Variants in RAD51AP2 observed in about 807,000 individuals in gnomAD.
RAD51AP2 encodes the protein RAD51 associated protein 2.
A neutral mutation model predicts 85.5 loss-of-function variants in RAD51AP2; 67 were observed. The observed-to-expected ratio is 0.78, with a 90% CI of 0.64 to 0.96. RAD51AP2 has a LOEUF of 0.96. Among genes scored for constraint, RAD51AP2 ranks in the 40% least tolerant of loss-of-function variants. The pLI, the probability that RAD51AP2 is intolerant of heterozygous loss-of-function variation, is 0.00. For missense variants in RAD51AP2, 1,307 were observed against 1,332.4 expected, an observed-to-expected ratio of 0.98 and a Z score of 0.30; for synonymous variants, 474 against 446.5, an observed-to-expected ratio of 1.06 and a Z score of -0.78.
chr2:17,535,935 CAAAAAAAAA>C, the RAD51AP2 span, among the ~76,000 whole-genome samples: 20 of 57,228 alleles, frequency 3.5e-4, no homozygotes, highest in African/African-American at 1.3e-3. Context: ...GTAAGAACAC[CAAAAAAAAA>C]AAAAAAAAAA....
At chr2:17,536,988 T>G in the RAD51AP2 span, among the ~76,000 whole-genome samples, 1 of 152,160 alleles carries the variant, frequency 6.6e-6, no homozygotes, top group East Asian at 1.9e-4. Context: ...TTATTTTATT[T>G]TGTTGGTCTA....
chr2:17,526,778 C>A, the RAD51AP2 span, among the ~76,000 whole-genome samples: 2 of 152,084 alleles, frequency 1.3e-5, no homozygotes, highest in East Asian at 3.8e-4. Context: ...GAAAGGCATA[C>A]AAGAAAAGGA....
chr2:17,527,270 G>T, the RAD51AP2 span, among the ~76,000 whole-genome samples: 1 of 152,134 alleles, frequency 6.6e-6, no homozygotes, highest in Admixed American at 6.6e-5. Flanking sequence ...AAGGAAGAAG[G>T]GAGGAACAAG....
At position 17,517,405 on chromosome 2, in the gene RAD51AP2, T is replaced by C. The variant is rs1365604099; in HGVS notation, c.1011A>G (p.Gln337=). Reference sequence around the variant, plus strand: ...TCAAGTCTTTTCTCTTACAAGTATTTTGGCTACTGAGTGATGGGTAGTCAT... The same window carrying C: ...TCAAGTCTTTTCTCTTACAAGTATTCTGGCTACTGAGTGATGGGTAGTCAT... ...YENDYPSLSS[Q]NTCKRKDLIS... is the part of the protein sequence containing the mutation. Residue 337 remains glutamine, a synonymous_variant, in exon 1 of 3, where the codon CAA becomes CAG. Coordinates refer to ENST00000399080, the MANE Select transcript of RAD51AP2 (RefSeq NM_001099218.3). 6.2e-7 allele frequency: 1 copy of C among 1,613,862 alleles called. No individual in the cohort carries two copies.
Position 17,518,432 on chromosome 2 carries a change from G to A in RAD51AP2, c.-17C>T. ...GAGAGACATGACAGCGAATGGAAAGGATCTGTCCGAGTCCCGGCGGGGCTC... is the reference window on the plus strand; with the variant it reads ...GAGAGACATGACAGCGAATGGAAAGAATCTGTCCGAGTCCCGGCGGGGCTC... On this transcript the variant is annotated 5_prime_UTR_variant, in exon 1 of 3. Coordinates refer to ENST00000399080, the MANE Select transcript of RAD51AP2 (RefSeq NM_001099218.3). The A allele has an allele frequency of 6.2e-7, 1 of 1,602,868 alleles. No homozygotes were observed. The highest frequency in any genetic ancestry group is 8.5e-7 in the Non-Finnish European group (1 of 1,175,964).
At chr2:17,513,973 C>G (rs373861545) in intron 2 of RAD51AP2, 39 bp downstream of exon 2, 784 of 1,041,802 alleles carry the variant, frequency 7.5e-4, no homozygotes, top group Non-Finnish European at 1.1e-3. Flanking sequence ...ATGCAATAAT[C>G]ATCTTAGAAG....
chr2:17,523,629 T>G, the RAD51AP2 span, among the ~76,000 whole-genome samples: 1 of 151,940 alleles, frequency 6.6e-6, no homozygotes, highest in Non-Finnish European at 1.5e-5. Context: ...CCAGGACATA[T>G]GCAAAAACCT....
At chr2:17,511,733 A>C (rs1410388484) in intron 2 of RAD51AP2, among the ~76,000 whole-genome samples, 1 of 152,208 alleles carries the variant, frequency 6.6e-6, no homozygotes, top group African/African-American at 2.4e-5. Flanking sequence ...AAAGGTTAGC[A>C]GTATGATTTT....
In RAD51AP2 at chr2:17,518,160, T is replaced by C. The variant is rs539431575; in HGVS notation, c.256A>G (p.Thr86Ala). 1 of 1,614,204 alleles carries C rather than the reference T, an allele frequency of 6.2e-7. No individual in the cohort carries two copies. The highest frequency in any genetic ancestry group is 1.3e-5 in the African/African-American group (1 of 75,042). Residue 86 changes from threonine to alanine, a missense_variant, in exon 1 of 3, where the codon ACA becomes GCA. By Grantham distance (58) the Thr-to-Ala change is moderately conservative. Around this residue, in one of 3 missense-constraint regions of RAD51AP2, gnomAD observed 635 missense variants for 643.6 expected, o/e 0.99. Coordinates refer to ENST00000399080, the MANE Select transcript of RAD51AP2 (RefSeq NM_001099218.3). ...VSTNAIFDNS[T>A]DSCVEKSVSG... Reference sequence around the variant, plus strand: ...ACTGATTTCTCCACACACGAGTCTGTGGAGTTATCGAAAATAGCATTCGTT... The same window carrying C: ...ACTGATTTCTCCACACACGAGTCTGCGGAGTTATCGAAAATAGCATTCGTT...
At chr2:17,519,772 C>T (rs578126734), upstream of RAD51AP2, among the ~76,000 whole-genome samples, 2 of 152,292 alleles carry the variant, frequency 1.3e-5, no homozygotes, top group African/African-American at 4.8e-5. Context: ...CCAAGTTCTA[C>T]TTCTGTGTAT....
upstream of RAD51AP2, among the ~76,000 whole-genome samples, chr2:17,522,478 GTTA>G (rs1662880100): frequency 6.6e-6 from 1 of 151,614 alleles, no homozygotes; most frequent in Non-Finnish European, 1.5e-5. Context: ...GCATTATTAT[GTTA>G]TTATATTTTC....
chr2:17,512,057 G>A (rs1471166226), intron 2 of RAD51AP2, among the ~76,000 whole-genome samples: 2 of 152,114 alleles, frequency 1.3e-5, no homozygotes, highest in Non-Finnish European at 2.9e-5. Flanking sequence ...TGGCTGGTTG[G>A]CATACAACAT....
the RAD51AP2 span, among the ~76,000 whole-genome samples, chr2:17,529,701 T>C: frequency 6.6e-6 from 1 of 152,170 alleles, no homozygotes; most frequent in South Asian, 2.1e-4. Context: ...CTACTAAAAA[T>C]TGAAATGAAG....
chr2:17,522,313 C>G (rs1209917392), upstream of RAD51AP2, among the ~76,000 whole-genome samples: 1 of 152,018 alleles, frequency 6.6e-6, no homozygotes. Context: ...AAGCCCTTCG[C>G]AGTTTCAGTC....
the RAD51AP2 span, among the ~76,000 whole-genome samples, chr2:17,528,313 T>C: frequency 6.6e-6 from 1 of 152,162 alleles, no homozygotes; most frequent in East Asian, 1.9e-4. Flanking sequence ...ATTTTGTGAT[T>C]TTTGGAACTA....
intron 2 of RAD51AP2, 57 bp downstream of exon 2, chr2:17,513,955 A>T: frequency 1.1e-6 from 1 of 928,732 alleles, no homozygotes. Flanking sequence ...CATACTAAAA[A>T]TACCATAATG....
In RAD51AP2 at chr2:17,510,696, T is replaced by G. The variant is rs1662465267; in HGVS notation, c.*108A>C. 1 of 606,846 alleles carries G rather than the reference T, an allele frequency of 1.6e-6. No homozygotes were observed. The highest frequency in any genetic ancestry group is 4.0e-5 in the Admixed American group (1 of 25,252). 37.6% of individuals were successfully genotyped at this position (606,846 alleles called of 1,614,324 possible). A position where few individuals can be genotyped will look rare whatever the true frequency, so the allele number is the denominator to read the frequency against. On this transcript the variant is annotated 3_prime_UTR_variant, in exon 3 of 3. Coordinates refer to ENST00000399080, the MANE Select transcript of RAD51AP2 (RefSeq NM_001099218.3). Reference sequence around the variant, plus strand: ...AATTTATACACTCAAAAAAAAAAACTTCTCCACTTTATAATAAAGCAAGCC... The same window carrying G: ...AATTTATACACTCAAAAAAAAAAACGTCTCCACTTTATAATAAAGCAAGCC...
At chr2:17,526,205 C>G in the RAD51AP2 span, among the ~76,000 whole-genome samples, 1 of 151,568 alleles carries the variant, frequency 6.6e-6, no homozygotes, top group Admixed American at 6.6e-5. Flanking sequence ...AGAGGATTTT[C>G]TTTTTTTTAT....
At position 17,516,566 on chromosome 2, in the gene RAD51AP2, T is replaced by C; in HGVS notation, c.1850A>G (p.Tyr617Cys). 6.3e-7 allele frequency: 1 copy of C among 1,582,170 alleles called. No individual in the cohort carries two copies. The highest frequency in any genetic ancestry group is 1.4e-5 in the African/African-American group (1 of 74,022). The change falls in exon 1 of 3, where the codon TAT becomes TGT. Residue 617 changes from tyrosine (Y) to cysteine (C), a missense_variant. Around this residue, in one of 3 missense-constraint regions of RAD51AP2, gnomAD observed 668 missense variants for 671.0 expected, o/e 1.00. Coordinates refer to ENST00000399080, the MANE Select transcript of RAD51AP2 (RefSeq NM_001099218.3). ...ATGATTTTCCACTATATTTTTTGGATACTTCAAATAAAGCATGCACTTGAA... is the reference window on the plus strand; with the variant it reads ...ATGATTTTCCACTATATTTTTTGGACACTTCAAATAAAGCATGCACTTGAA... ...CIFKCMLYLK[Y>C]PKNIVENHTA...
Sources: allele counts gnomAD v4.1 joint callset (sites outside exome capture counted in the v4.1 genomes callset), GRCh38; gene constraint gnomAD v4.1.1; regional missense constraint gnomAD v4.1.1; transcripts MANE v1.5; gene names NCBI Gene and HGNC (gene_info 2026-07-23, HGNC 2026-07-21).